Variants in PPP2R2B observed in about 807,000 individuals in gnomAD.
PPP2R2B encodes the protein protein phosphatase 2 regulatory subunit Bbeta.
In PPP2R2B, 5 loss-of-function variants were observed where a neutral mutation model predicts 46.0. The observed-to-expected ratio is 0.11, with a 90% CI of 0.06 to 0.23. The LOEUF is 0.23. Among genes scored for constraint, PPP2R2B ranks in the 10% least tolerant of loss-of-function variants. PPP2R2B has a pLI of 1.00. For synonymous variants in PPP2R2B, 215 were observed against 206.7 expected (o/e 1.04, Z -0.34); for missense variants, 367 against 575.0 (o/e 0.64, Z 3.70).
At chr5:146,965,747 A>G (rs1752371873) in intron 1 of PPP2R2B, among the ~76,000 whole-genome samples, 1 of 152,226 alleles carries the variant, frequency 6.6e-6, no homozygotes, top group African/African-American at 2.4e-5. Context: ...ACTTTGCACT[A>G]ATGCACTTAT....
intron 2 of PPP2R2B, among the ~76,000 whole-genome samples, chr5:146,711,834 G>A (rs1780227215): frequency 6.6e-6 from 1 of 152,166 alleles, no homozygotes; most frequent in Non-Finnish European, 1.5e-5. Context: ...TTGGGGAAAG[G>A]TTGTTCAAAG....
At chr5:146,894,213 T>C (rs1449711444) in intron 1 of PPP2R2B, among the ~76,000 whole-genome samples, 2 of 152,230 alleles carry the variant, frequency 1.3e-5, no homozygotes, top group Admixed American at 6.5e-5. Context: ...AGTGCAGATC[T>C]GATCATGCCA....
intron 2 of PPP2R2B, among the ~76,000 whole-genome samples, chr5:146,847,184 C>A (rs961063895): frequency 7.2e-5 from 11 of 152,150 alleles, no homozygotes; most frequent in Admixed American, 2.0e-4. Flanking sequence ...TGTTTTCCAA[C>A]AATAGACAGT....
chr5:146,976,032 A>G (rs888262919), intron 1 of PPP2R2B, among the ~76,000 whole-genome samples: 1 of 151,562 alleles, frequency 6.6e-6, no homozygotes, highest in African/African-American at 2.4e-5. Context: ...TATCATATCC[A>G]AGAAATCATT....
intron 2 of PPP2R2B, among the ~76,000 whole-genome samples, chr5:146,754,344 G>C (rs1027314731): frequency 7.2e-5 from 11 of 152,178 alleles, no homozygotes; most frequent in Non-Finnish European, 1.5e-4. Flanking sequence ...TCATCAGGAG[G>C]AGAATGATTA....
At position 146,633,981 on chromosome 5, in the gene PPP2R2B, A is replaced by G. The variant is rs532584107; in HGVS notation, c.790+4270T>C. Among the ~76,000 whole-genome samples, 15 of 152,226 alleles carry G rather than the reference A, an allele frequency of 9.9e-5. No homozygotes were observed. In the South Asian group the frequency reaches 3.1e-3, roughly 32 times the overall value. ...GATGCTATATTTGTTTCTGTTCTCT[A>G]ACTAATGCATCTTCTCTCCTTAGAC... On this transcript the variant is annotated intron_variant, in intron 7 of 9. Coordinates refer to ENST00000394411, the MANE Select transcript of PPP2R2B (RefSeq NM_181675.4).
chr5:147,033,727 C>T (rs974433889), intron 1 of PPP2R2B, among the ~76,000 whole-genome samples: 5 of 152,074 alleles, frequency 3.3e-5, no homozygotes, highest in African/African-American at 1.2e-4. Flanking sequence ...CATACTTAAA[C>T]TTATCCAATT....
chr5:146,737,304 CTAGAGTGGGCATTTTGA>C (rs556532311), intron 2 of PPP2R2B, among the ~76,000 whole-genome samples: 162 of 152,272 alleles, frequency 1.1e-3, no homozygotes, highest in African/African-American at 3.7e-3. Flanking sequence ...ATGCAAAGAC[CTAGAGTGGGCATTTTGA>C]TACATATTAT....
intron 2 of PPP2R2B, among the ~76,000 whole-genome samples, chr5:146,854,005 C>T (rs1486260635): frequency 6.6e-6 from 1 of 152,038 alleles, no homozygotes; most frequent in Admixed American, 6.6e-5. Flanking sequence ...CTGTATGTGT[C>T]CCCTACTAAA....
intron 1 of PPP2R2B, among the ~76,000 whole-genome samples, chr5:146,936,878 T>C (rs1172342314): frequency 6.6e-6 from 1 of 151,950 alleles, no homozygotes; most frequent in African/African-American, 2.4e-5. Context: ...TTTTTTTTTT[T>C]TTTCTTCAAT....
intron 1 of PPP2R2B, among the ~76,000 whole-genome samples, chr5:146,930,408 C>T (rs917355632): frequency 2.6e-5 from 4 of 152,130 alleles, no homozygotes; most frequent in Non-Finnish European, 4.4e-5. Context: ...ACACTAACCC[C>T]TCTGGGTCTT....
At chr5:146,963,857 A>G (rs1173889507) in intron 1 of PPP2R2B, among the ~76,000 whole-genome samples, 2 of 152,178 alleles carry the variant, frequency 1.3e-5, no homozygotes, top group Non-Finnish European at 2.9e-5. Flanking sequence ...TATCTGTGCT[A>G]ATTTCTCAAA....
chr5:146,757,023 G>T (rs182152996), intron 2 of PPP2R2B, among the ~76,000 whole-genome samples: 12 of 152,264 alleles, frequency 7.9e-5, no homozygotes, highest in African/African-American at 2.9e-4. Flanking sequence ...GTGAGAGTGG[G>T]GTTTTCTTGT....
chr5:146,944,043 A>G (rs1203698052), intron 1 of PPP2R2B, among the ~76,000 whole-genome samples: 3 of 152,206 alleles, frequency 2.0e-5, no homozygotes, highest in African/African-American at 7.2e-5. Context: ...CTATTTAGCT[A>G]CAGAGACCAG....
chr5:146,630,798 A>G (rs1405878567), intron 7 of PPP2R2B, among the ~76,000 whole-genome samples: 2 of 152,184 alleles, frequency 1.3e-5, no homozygotes, highest in African/African-American at 4.8e-5. Flanking sequence ...TCCAACCATA[A>G]CACGATGCTT....
chr5:146,898,741 T>TC (rs1762729073), intron 1 of PPP2R2B, among the ~76,000 whole-genome samples: 2 of 108,404 alleles, frequency 1.8e-5, no homozygotes, highest in Non-Finnish European at 3.4e-5. Context: ...AAAGGGCTAA[T>TC]ATCCAGAATC....
At chr5:146,825,996 A>G (rs142702827) in intron 2 of PPP2R2B, among the ~76,000 whole-genome samples, 1 of 152,196 alleles carries the variant, frequency 6.6e-6, no homozygotes, top group South Asian at 2.1e-4. Context: ...TGAGTTATAG[A>G]TATAAGAAGA....
At chr5:147,036,218 T>C (rs1008286363) in intron 1 of PPP2R2B, among the ~76,000 whole-genome samples, 1 of 152,140 alleles carries the variant, frequency 6.6e-6, no homozygotes, top group African/African-American at 2.4e-5. Flanking sequence ...CAATGTGTCA[T>C]TGTGTTCTCA....
In PPP2R2B at chr5:146,600,186, A is replaced by G. The variant is rs187724718; in HGVS notation, c.960+105T>C. 7.4e-3 allele frequency: 9,040 copies of G among 1,223,318 alleles called. 36 individuals carry two copies. Among genetic ancestry groups the G allele is most frequent in the Non-Finnish European group, 8.3e-3 (7,210 of 865,190 alleles). The allele number at this position is 1,223,318 out of a possible 1,614,324, so 75.8% of individuals were successfully genotyped here. A position where few individuals can be genotyped will look rare whatever the true frequency, so the allele number is the denominator to read the frequency against. On this transcript the variant is annotated intron_variant, in intron 8 of 9. Transcript: ENST00000394411. ...CATTTTACTGAATGTATCACCATGC[A>G]TTGCCTTCCATTTTGCTGCACTGTA...
Sources: gnomAD v4.1 joint callset for allele counts (sites outside exome capture counted in the v4.1 genomes callset) on GRCh38, gnomAD v4.1.1 for gene constraint, MANE v1.5 for transcripts, NCBI Gene and HGNC (gene_info 2026-07-23, HGNC 2026-07-21) for gene names.